ANKRD13C: variants seen among roughly 807,000 people sequenced by gnomAD.
ANKRD13C encodes ankyrin repeat domain-containing protein 13C.
In ANKRD13C, 16 loss-of-function variants were observed where a neutral mutation model predicts 65.5. The ratio of observed to expected loss-of-function variants is 0.24; its 90% confidence interval spans 0.17 to 0.37. ANKRD13C has a LOEUF of 0.37. ANKRD13C is among the 10% of genes least tolerant of loss of function. The pLI, the probability that ANKRD13C is intolerant of heterozygous loss-of-function variation, is 1.00. For synonymous variants in ANKRD13C, 235 were observed against 238.7 expected, an observed-to-expected ratio of 0.98 and a Z score of 0.14; for missense variants, 503 against 655.9, an observed-to-expected ratio of 0.77 and a Z score of 2.55.
intron 1 of ANKRD13C, among the ~76,000 whole-genome samples, chr1:70,351,182 C>G (rs1057027172): frequency 6.6e-6 from 1 of 152,194 alleles, no homozygotes; most frequent in African/African-American, 2.4e-5. Context: ...AAACACTTAG[C>G]ACCCTGCTGA....
rs1678495388 is a variant in ANKRD13C at position 70,263,967 on chromosome 1, A to G, written c.1496-1120T>C. On this transcript the variant is annotated intron_variant, in intron 12 of 12. Transcript: ENST00000370944. Reference sequence around the variant, plus strand: ...AAGGAAAACAAAATACCTTAATTAGATTTAAACACAATAATCAACATAACA... The same window carrying G: ...AAGGAAAACAAAATACCTTAATTAGGTTTAAACACAATAATCAACATAACA... Among the ~76,000 whole-genome samples, 3 of 152,216 alleles carry G rather than the reference A, an allele frequency of 2.0e-5. No individual in the cohort carries two copies. In the South Asian group the frequency reaches 6.2e-4, roughly 31 times the overall value.
At chr1:70,301,461 G>C (rs1163687076) in intron 6 of ANKRD13C, among the ~76,000 whole-genome samples, 2 of 152,188 alleles carry the variant, frequency 1.3e-5, no homozygotes, top group African/African-American at 4.8e-5. Context: ...TCTTGGAATT[G>C]AGAACTCCTC....
intron 12 of ANKRD13C, among the ~76,000 whole-genome samples, chr1:70,270,301 C>A (rs1354896166): frequency 1.3e-5 from 2 of 152,098 alleles, no homozygotes; most frequent in Admixed American, 1.3e-4. Flanking sequence ...TGAAATAGAT[C>A]CCTTACATTT....
At chr1:70,337,913 A>G (rs1034977310) in intron 1 of ANKRD13C, among the ~76,000 whole-genome samples, 2 of 152,178 alleles carry the variant, frequency 1.3e-5, no homozygotes, top group Admixed American at 6.5e-5. Context: ...CAGCCTGACC[A>G]AGATGGAGAA....
At chr1:70,302,309 C>CG (rs1156652138) in intron 6 of ANKRD13C, among the ~76,000 whole-genome samples, 4 of 85,796 alleles carry the variant, frequency 4.7e-5, no homozygotes, top group Admixed American at 1.5e-4. Flanking sequence ...ACAGGGGCGG[C>CG]GGGGGGGCGG....
At chr1:70,288,355 C>T (rs1325934470) in intron 9 of ANKRD13C, among the ~76,000 whole-genome samples, 1 of 152,184 alleles carries the variant, frequency 6.6e-6, no homozygotes, top group East Asian at 1.9e-4. Flanking sequence ...ATTCAGCTAA[C>T]TACCATATGA....
chr1:70,333,908 C>G (rs934891838), intron 2 of ANKRD13C, among the ~76,000 whole-genome samples: 1 of 151,976 alleles, frequency 6.6e-6, no homozygotes, highest in Admixed American at 6.6e-5. Flanking sequence ...AACATGTAGC[C>G]TTTTAATGAA....
intron 2 of ANKRD13C, among the ~76,000 whole-genome samples, chr1:70,329,740 A>C (rs1326282651): frequency 6.6e-6 from 1 of 152,066 alleles, no homozygotes; most frequent in Non-Finnish European, 1.5e-5. Context: ...CAACTAACAA[A>C]AAATCAGATA....
Position 70,259,025 on chromosome 1 carries a change from T to C in ANKRD13C, c.*3692A>G, listed in dbSNP as rs1270813181. On this transcript the variant is annotated 3_prime_UTR_variant, in exon 13 of 13. Transcript: ENST00000370944. ...GGTCTCGGAGCAATAGGCTTTATTG[T>C]ATAGTCTAGGTGAGTGGTATGCTAT... Among the ~76,000 whole-genome samples, 2 of 152,182 alleles carry C rather than the reference T, an allele frequency of 1.3e-5. No individual in the cohort carries two copies. Among genetic ancestry groups the C allele is most frequent in the Non-Finnish European group, 2.9e-5 (2 of 68,024 alleles).
At chr1:70,313,574 A>G (rs1680941205) in intron 5 of ANKRD13C, among the ~76,000 whole-genome samples, 171 bp downstream of exon 5, 1 of 152,124 alleles carries the variant, frequency 6.6e-6, no homozygotes, top group Non-Finnish European at 1.5e-5. Flanking sequence ...TCAAGTTGGA[A>G]TAACTAAATA....
intron 1 of ANKRD13C, among the ~76,000 whole-genome samples, chr1:70,345,893 C>G (rs1572182076): frequency 6.6e-6 from 1 of 152,108 alleles, no homozygotes; most frequent in African/African-American, 2.4e-5. Flanking sequence ...TGTCTGTAAA[C>G]TGTTCTTTAA....
In ANKRD13C at chr1:70,315,211, T is replaced by C. The variant is rs146702002; in HGVS notation, c.663+270A>G. 1.1e-3 allele frequency among the ~76,000 whole-genome samples: 175 copies of C among 152,296 alleles called. 2 individuals are homozygous for C. The highest frequency in any genetic ancestry group is 4.1e-3 in the African/African-American group (172 of 41,572). On this transcript the variant is annotated intron_variant, in intron 4 of 12. Transcript: ENST00000370944. Reference sequence around the variant, plus strand: ...CTAATTCAAAGGCAAAGGAAAATTATTGCCATTAACTGTGACTTACCTCCT... The same window carrying C: ...CTAATTCAAAGGCAAAGGAAAATTACTGCCATTAACTGTGACTTACCTCCT...
chr1:70,306,106 G>A, intron 6 of ANKRD13C, 118 bp downstream of exon 6: 1 of 562,398 alleles, frequency 1.8e-6, no homozygotes, highest in Non-Finnish European at 2.9e-6. Context: ...ATAAAATATT[G>A]TGACTCTGTT....
At chr1:70,271,320 C>T (rs2101120273) in intron 11 of ANKRD13C, among the ~76,000 whole-genome samples, 1 of 152,246 alleles carries the variant, frequency 6.6e-6, no homozygotes, top group African/African-American at 2.4e-5. Context: ...TGCTTCTTAT[C>T]TTTAAAGGGA....
chr1:70,326,088 G>A (rs1363498329), intron 2 of ANKRD13C, among the ~76,000 whole-genome samples: 7 of 149,324 alleles, frequency 4.7e-5, no homozygotes, highest in South Asian at 2.1e-4. Flanking sequence ...AAAATTAGCC[G>A]AGCATGGTGG....
chr1:70,298,392 A>G (rs940962570), intron 7 of ANKRD13C, among the ~76,000 whole-genome samples: 8 of 152,172 alleles, frequency 5.3e-5, no homozygotes, highest in African/African-American at 1.9e-4. Flanking sequence ...ATACATACAT[A>G]TTAGGATAAA....
In ANKRD13C at chr1:70,319,914, C is replaced by G. The variant is rs146452094; in HGVS notation, c.578-4348G>C. On this transcript the variant is annotated intron_variant, in intron 3 of 12. Transcript: ENST00000370944. Reference sequence around the variant, plus strand: ...TATCAAAGTTAATGGCACATCCTGACTATGTTTCTGACACATCTAGTAGGT... The same window carrying G: ...TATCAAAGTTAATGGCACATCCTGAGTATGTTTCTGACACATCTAGTAGGT... Among the ~76,000 whole-genome samples the G allele has an allele frequency of 4.5e-3, 683 of 152,186 alleles. 2 individuals are homozygous for G. The highest frequency in any genetic ancestry group is 7.2e-3 in the Non-Finnish European group (492 of 67,996).
chr1:70,288,145 A>G (rs1180770059), intron 9 of ANKRD13C, among the ~76,000 whole-genome samples: 1 of 152,232 alleles, frequency 6.6e-6, no homozygotes, highest in Non-Finnish European at 1.5e-5. Flanking sequence ...CCATGAAGAG[A>G]TGACCATTCA....
intron 1 of ANKRD13C, 96 bp downstream of exon 1, chr1:70,353,882 AG>A (rs1205197169): frequency 7.2e-7 from 1 of 1,394,974 alleles, no homozygotes; most frequent in African/African-American, 1.5e-5. Context: ...GGCAAAAAGA[AG>A]AGTCTGCTGG....
Sources: gnomAD v4.1 joint callset for allele counts (sites outside exome capture counted in the v4.1 genomes callset) on GRCh38, gnomAD v4.1.1 for gene constraint, MANE v1.5 for transcripts, NCBI Gene and HGNC (gene_info 2026-07-23, HGNC 2026-07-21) for gene names.